The following PLXNA4 variants were observed in gnomAD, a reference collection of about 807,000 sequenced individuals.
The protein encoded by PLXNA4 is plexin-A4.
PLXNA4 carries 44 observed loss-of-function variants against 191.8 expected under a neutral mutation model. That is an observed-to-expected ratio of 0.23 (90% confidence interval 0.18 to 0.29). The LOEUF is 0.29. Ranked by LOEUF, PLXNA4 falls within the 10% of genes least tolerant of loss-of-function variation. The pLI is 1.00. For missense variants in PLXNA4, 1,800 were observed against 2,488.8 expected (o/e 0.72, Z 5.89); for synonymous variants, 1,082 against 1,009.5 (o/e 1.07, Z -1.36).
chr7:132,436,164 C>A (rs1795461859), intron 3 of PLXNA4, among the ~76,000 whole-genome samples: 1 of 152,234 alleles, frequency 6.6e-6, no homozygotes, highest in African/African-American at 2.4e-5. Context: ...AGCCACACAT[C>A]TCCCTGCATA....
chr7:132,428,534 G>A (rs996441122), intron 3 of PLXNA4, among the ~76,000 whole-genome samples: 4 of 152,190 alleles, frequency 2.6e-5, no homozygotes, highest in African/African-American at 9.7e-5. Context: ...GAGCAGGCGG[G>A]AGATTTATTA....
In PLXNA4 at chr7:132,179,819, G is replaced by C; in HGVS notation, c.3742C>G (p.Leu1248Val). 6.2e-7 allele frequency: 1 copy of C among 1,612,552 alleles called. No individual in the cohort carries two copies. Among genetic ancestry groups the C allele is most frequent in the East Asian group, 2.2e-5 (1 of 44,830 alleles). The change falls in exon 20 of 32, where the codon CTC (leucine) becomes GTC (valine). Residue 1248 changes from leucine to valine, a missense_variant. Around this residue, in one of 6 missense-constraint regions of PLXNA4, gnomAD observed 1,397 missense variants for 1,880.4 expected, o/e 0.74. Coordinates refer to ENST00000321063, the MANE Select transcript of PLXNA4 (RefSeq NM_020911.2). ...AIVSIAVAGG[L>V]LIIFIVAVLI... ...ACGGCCACGATGAAAATGATGAGGA[G>C]GCCGCCAGCCACTGCGATGCTGACG...
chr7:132,132,437 GTT>G (rs1563048126), intron 31 of PLXNA4, among the ~76,000 whole-genome samples: 1,998 of 73,936 alleles, frequency 0.027, 70 homozygotes, highest in South Asian at 0.065. Context: ...GTTCTGTTCT[GTT>G]CTGTTCTGTT....
intron 1 of PLXNA4, among the ~76,000 whole-genome samples, chr7:132,568,704 C>T (rs1220529208): frequency 6.6e-6 from 1 of 152,198 alleles, no homozygotes; most frequent in Non-Finnish European, 1.5e-5. Flanking sequence ...CAAGACACTG[C>T]TGGAAGCAGA....
chr7:132,322,094 T>C (rs1325944396), intron 3 of PLXNA4, among the ~76,000 whole-genome samples: 1 of 152,076 alleles, frequency 6.6e-6, no homozygotes, highest in Non-Finnish European at 1.5e-5. Context: ...CTGGAAATCT[T>C]TGCATGCAGG....
upstream of PLXNA4, among the ~76,000 whole-genome samples, chr7:132,580,579 T>C (rs1178218046): frequency 6.6e-6 from 1 of 152,146 alleles, no homozygotes; most frequent in Non-Finnish European, 1.5e-5. Flanking sequence ...GGGTTGGGGT[T>C]TATTGCTGGG....
chr7:132,187,400 G>A, intron 15 of PLXNA4, 71 bp downstream of exon 15: 1 of 1,539,114 alleles, frequency 6.5e-7, no homozygotes, highest in Non-Finnish European at 8.8e-7. Context: ...TAAAAACAAA[G>A]CTACCCTGAA....
At chr7:132,209,823 GT>G (rs1167029119) in intron 10 of PLXNA4, among the ~76,000 whole-genome samples, 2 of 152,180 alleles carry the variant, frequency 1.3e-5, no homozygotes, top group Non-Finnish European at 2.9e-5. Flanking sequence ...ATAGGAAGCA[GT>G]GTGACATAGG....
rs1476647271 is a variant in PLXNA4, at chr7:132,132,483, CTCTGCTCTATTCTTT to C, written c.5589+551_5589+565del. Among the ~76,000 whole-genome samples the C allele has an allele frequency of 3.7e-3, 302 of 80,846 alleles. 11 individuals are homozygous for C. Among genetic ancestry groups the C allele is most frequent in the Middle Eastern group, 0.013 (2 of 158 alleles). The allele number at this position is 80,846 out of a possible 152,430, so 53.0% of individuals were successfully genotyped here. A position where few individuals can be genotyped will look rare whatever the true frequency, so the allele number is the denominator to read the frequency against. Reference sequence around the variant, plus strand: ...TTCTGTTCTGCTCTGCTCTGCTCTGCTCTGCTCTATTCTTTTCTATTCTATTCTATTCTATTCTAT... The same window carrying C: ...TTCTGTTCTGCTCTGCTCTGCTCTGCTCTATTCTATTCTATTCTATTCTAT... On this transcript the variant is annotated intron_variant, in intron 31 of 31. Coordinates refer to ENST00000321063, the MANE Select transcript of PLXNA4 (RefSeq NM_020911.2).
At chr7:132,600,043 A>G (rs1046761254) in intron 2 of PLXNA4, among the ~76,000 whole-genome samples, 4 of 152,208 alleles carry the variant, frequency 2.6e-5, no homozygotes, top group African/African-American at 9.6e-5. Flanking sequence ...CTTGATAATG[A>G]TGTGTTTGAA....
intron 3 of PLXNA4, among the ~76,000 whole-genome samples, chr7:132,487,217 T>C (rs1328024490): frequency 6.6e-6 from 1 of 152,174 alleles, no homozygotes; most frequent in Non-Finnish European, 1.5e-5. Flanking sequence ...ATCCAGGGTC[T>C]ACTCCATCCT....
intron 3 of PLXNA4, among the ~76,000 whole-genome samples, chr7:132,366,246 C>T (rs2116876194): frequency 6.6e-6 from 1 of 152,226 alleles, no homozygotes; most frequent in South Asian, 2.1e-4. Context: ...AAGAGAGAGG[C>T]TAGGCATGGT....
At chr7:132,375,282 GCCCCCC>G (rs67189242) in intron 3 of PLXNA4, among the ~76,000 whole-genome samples, 2 of 142,532 alleles carry the variant, frequency 1.4e-5, no homozygotes, top group Non-Finnish European at 3.1e-5. Context: ...ACTCCATCCC[GCCCCCC>G]CCCACGCCCC....
intron 4 of PLXNA4, among the ~76,000 whole-genome samples, chr7:132,287,567 C>CA (rs1563013561): frequency 1.3e-5 from 2 of 152,132 alleles, no homozygotes; most frequent in African/African-American, 4.8e-5. Context: ...GTTCATGACC[C>CA]CCCCCGGAGC....
chr7:132,164,008 G>A (rs1022407134), intron 24 of PLXNA4, 134 bp downstream of exon 24: 21 of 1,401,420 alleles, frequency 1.5e-5, no homozygotes, highest in Non-Finnish European at 2.0e-5. Flanking sequence ...GGGAGCACCT[G>A]GCTGGGCCCA....
At chr7:132,505,875 C>A (rs1403345749) in intron 2 of PLXNA4, among the ~76,000 whole-genome samples, 1 of 152,150 alleles carries the variant, frequency 6.6e-6, no homozygotes, top group Non-Finnish European at 1.5e-5. Context: ...CTCATGGACT[C>A]TCTTAAGTGG....
intron 21 of PLXNA4, among the ~76,000 whole-genome samples, chr7:132,168,838 T>C: frequency 6.6e-6 from 1 of 152,250 alleles, no homozygotes; most frequent in East Asian, 1.9e-4. Context: ...CACTCACTTC[T>C]GCCGGACTCC....
At position 132,140,793 on chromosome 7, in the gene PLXNA4, C is replaced by A; in HGVS notation, c.5244G>T (p.Trp1748Cys). ...ACTGCGGGTTCTTGATCATGTTGAC[C>A]CAAAACCTCAGGGGCAGGCTGCGTG... ...WKSNCLPLRF[W>C]VNMIKNPQFV... The change falls in exon 30 of 32, where the codon TGG becomes TGT. Residue 1748 changes from tryptophan (W) to cysteine (C), a missense_variant. By Grantham distance (215) the Trp-to-Cys change is radical (BLOSUM62 -2). Around this residue, in one of 6 missense-constraint regions of PLXNA4, gnomAD observed 101 missense variants for 182.8 expected, o/e 0.55. Coordinates refer to ENST00000321063, the MANE Select transcript of PLXNA4 (RefSeq NM_020911.2). 1 of 1,613,876 alleles carries A rather than the reference C, an allele frequency of 6.2e-7. No individual in the cohort carries two copies. Among genetic ancestry groups the A allele is most frequent in the Non-Finnish European group, 8.5e-7 (1 of 1,179,994 alleles).
chr7:132,193,922 C>T, intron 14 of PLXNA4, 140 bp downstream of exon 14: 1 of 1,088,716 alleles, frequency 9.2e-7, no homozygotes, highest in Admixed American at 2.8e-5. Flanking sequence ...CACTATAAGA[C>T]AGGAGTCTCA....
Sources: allele counts gnomAD v4.1 joint callset (sites outside exome capture counted in the v4.1 genomes callset), GRCh38; gene constraint gnomAD v4.1.1; regional missense constraint gnomAD v4.1.1; transcripts MANE v1.5; gene names NCBI Gene and HGNC (gene_info 2026-07-23, HGNC 2026-07-21).